The following ZNF609 variants were observed in gnomAD, a reference collection of about 807,000 sequenced individuals.
ZNF609 encodes zinc finger protein 609.
Under a neutral mutation model 109.5 loss-of-function variants are expected in ZNF609, and 11 were observed. That is an observed-to-expected ratio of 0.10 (90% CI 0.06 to 0.17). The LOEUF (loss-of-function observed/expected upper bound fraction) is 0.17, where lower values mean the gene tolerates loss of function less well. ZNF609 is among the 10% of genes least tolerant of loss of function. The pLI, the probability that ZNF609 is intolerant of heterozygous loss-of-function variation, is 1.00. For synonymous variants in ZNF609, 646 were observed against 662.0 expected, an observed-to-expected ratio of 0.98 and a Z score of 0.37; for missense variants, 1,559 against 1,772.4, an observed-to-expected ratio of 0.88 and a Z score of 2.16.
chr15:64,587,165 A>G (rs181255209), intron 2 of ZNF609, among the ~76,000 whole-genome samples: 129 of 152,330 alleles, frequency 8.5e-4, no homozygotes, highest in Non-Finnish European at 1.5e-3. Flanking sequence ...ATCTGTTTAG[A>G]GTATCTGAAG....
intron 3 of ZNF609, among the ~76,000 whole-genome samples, chr15:64,650,721 G>A (rs1291919237): frequency 6.6e-6 from 1 of 152,130 alleles, no homozygotes; most frequent in African/African-American, 2.4e-5. Context: ...TGGGGAGTTG[G>A]GGGTAGCTAG....
At chr15:64,669,447 GGAA>G (rs1365640485) in intron 3 of ZNF609, among the ~76,000 whole-genome samples, 2 of 152,164 alleles carry the variant, frequency 1.3e-5, no homozygotes, top group Non-Finnish European at 2.9e-5. Context: ...TATCATTTAA[GGAA>G]GAATATATGA....
intron 5 of ZNF609, among the ~76,000 whole-genome samples, chr15:64,677,796 G>C (rs1328591255): frequency 6.6e-6 from 1 of 152,168 alleles, no homozygotes; most frequent in Non-Finnish European, 1.5e-5. Context: ...ATTGGAAGGG[G>C]CAGCCTCTCC....
In ZNF609 at chr15:64,684,658, GTC is replaced by G. The variant is rs2083230721; in HGVS notation, c.*2976_*2977del. ...ATGAAATGAAATGGTGATTTCTTGA[GTC>G]TCTTTTTTCCACGTTTAAGGGGCCA... On this transcript the variant is annotated 3_prime_UTR_variant, in exon 10 of 10. Transcript: ENST00000326648. 1.3e-5 allele frequency: 2 copies of G among 152,772 alleles called. No homozygotes were observed. Among genetic ancestry groups the G allele is most frequent in the South Asian group, 4.1e-4 (2 of 4,834 alleles). 9.5% of individuals were successfully genotyped at this position (152,772 alleles called of 1,614,324 possible).
At position 64,561,882 on chromosome 15, in the gene ZNF609, A is replaced by G. The variant is rs544178316; in HGVS notation, c.748-60945A>G. On this transcript the variant is annotated intron_variant, in intron 2 of 9. Transcript: ENST00000326648. ...TTGTGAGTATGGAAGTCATTCAATT[A>G]TTTTTCAAAGCGGGCTTAGTACATG... Among the ~76,000 whole-genome samples, 61 of 152,192 alleles carry G rather than the reference A, an allele frequency of 4.0e-4. 2 individuals are homozygous for G. In the South Asian group the frequency reaches 0.012, roughly 30 times the overall value.
chr15:64,498,044 A>C (rs1893509098), intron 1 of ZNF609, among the ~76,000 whole-genome samples: 1 of 152,066 alleles, frequency 6.6e-6, no homozygotes. Flanking sequence ...ACACTCCTCA[A>C]GTCTTGTTAG....
At chr15:64,599,605 T>C (rs1012347646) in intron 2 of ZNF609, among the ~76,000 whole-genome samples, 5 of 152,206 alleles carry the variant, frequency 3.3e-5, no homozygotes, top group Non-Finnish European at 7.3e-5. Context: ...TTCTTACTTA[T>C]GTTTTTATTC....
chr15:64,613,809 A>G (rs1895754464), intron 2 of ZNF609, among the ~76,000 whole-genome samples: 1 of 152,024 alleles, frequency 6.6e-6, no homozygotes, highest in African/African-American at 2.4e-5. Context: ...TGGCCTCCCA[A>G]AGTGCTGGGA....
intron 3 of ZNF609, among the ~76,000 whole-genome samples, chr15:64,649,032 G>T (rs1896376373): frequency 6.6e-6 from 1 of 152,032 alleles, no homozygotes; most frequent in African/African-American, 2.4e-5. Context: ...ATACATAAGA[G>T]AAAGAATTTG....
chr15:64,564,200 T>C (rs550034819), intron 2 of ZNF609, among the ~76,000 whole-genome samples: 25 of 151,708 alleles, frequency 1.6e-4, no homozygotes, highest in African/African-American at 6.0e-4. Context: ...CGTAGCTGTG[T>C]TGGTTATCAG....
Position 64,674,440 on chromosome 15 carries a change from C to G in ZNF609, c.1586C>G (p.Ala529Gly). The change falls in exon 5 of 10, where the codon GCG (alanine) becomes GGG (glycine). Residue 529 changes from alanine (A) to glycine (G), a missense_variant. Physicochemically the swap from Ala to Gly is moderately conservative, Grantham distance 60. Transcript: ENST00000326648. Reference sequence around the variant, plus strand: ...ACAGATGATGACAGCAAGCCGGAAGCGGATGGGGACAGTGAGTACGGAGAG... The same window carrying G: ...ACAGATGATGACAGCAAGCCGGAAGGGGATGGGGACAGTGAGTACGGAGAG... ...AHTDDDSKPE[A>G]DGDSEYGEEP... 1.2e-6 allele frequency: 2 copies of G among 1,614,186 alleles called. No homozygotes were observed. The highest frequency in any genetic ancestry group is 1.7e-6 in the Non-Finnish European group (2 of 1,180,052).
chr15:64,493,521 C>T (rs559433074), intron 1 of ZNF609, among the ~76,000 whole-genome samples: 3 of 152,092 alleles, frequency 2.0e-5, no homozygotes, highest in African/African-American at 7.2e-5. Context: ...ATTGTCATGA[C>T]CTATCTTGGT....
At chr15:64,613,765 T>G (rs1037023671) in intron 2 of ZNF609, among the ~76,000 whole-genome samples, 4 of 152,090 alleles carry the variant, frequency 2.6e-5, no homozygotes. Flanking sequence ...TTGGCCAGGC[T>G]GGTCTAACTC....
chr15:64,681,569 AAC>A (rs1295137243), intron 9 of ZNF609, 121 bp from the exon 10 acceptor site: 3 of 586,984 alleles, frequency 5.1e-6, no homozygotes, highest in Middle Eastern at 4.3e-4. Flanking sequence ...GGACCTGTGG[AAC>A]ACAGTGTCCC....
At chr15:64,630,095 T>TTC (rs1423025193) in intron 3 of ZNF609, among the ~76,000 whole-genome samples, 52 of 150,404 alleles carry the variant, frequency 3.5e-4, no homozygotes, top group African/African-American at 1.2e-3. Context: ...AATTTTCTTT[T>TTC]TTCTTTTTTT....
intron 1 of ZNF609, among the ~76,000 whole-genome samples, chr15:64,477,143 T>C (rs560463511): frequency 4.1e-5 from 6 of 146,300 alleles, no homozygotes; most frequent in Admixed American, 6.8e-5. Context: ...TTTCTTTTTT[T>C]TTTTTTTTTT....
In ZNF609 at chr15:64,667,894, A is replaced by G. The variant is rs148562335; in HGVS notation, c.974-2452A>G. On this transcript the variant is annotated intron_variant, in intron 3 of 9. Transcript: ENST00000326648. ...TGTGAGGCCAGGAGAGTGAGATGCT[A>G]ACCCCCAACCAGCCTTATGAAAGGA... Among the ~76,000 whole-genome samples the G allele has an allele frequency of 1.1e-3, 172 of 152,276 alleles. 1 individual carries two copies. Among genetic ancestry groups the G allele is most frequent in the South Asian group, 1.9e-3 (9 of 4,820 alleles).
Position 64,673,980 on chromosome 15 carries a change from C to T in ZNF609, c.1126C>T (p.Arg376Cys), listed in dbSNP as rs1896771679. The T allele has an allele frequency of 1.2e-6, 2 of 1,614,176 alleles. No individual in the cohort carries two copies. Among genetic ancestry groups the T allele is most frequent in the Non-Finnish European group, 1.7e-6 (2 of 1,180,038 alleles). ...TGGCCGGGGTAGAGGCAAACGCATG[C>T]GTCCCAACAGTAATACACCTGTCAA... ...RNGRGRGKRMRPNSNTPVNET... is the reference protein window; with the variant it reads ...RNGRGRGKRMCPNSNTPVNET... The change falls in exon 5 of 10, where the codon CGT (arginine) becomes TGT (cysteine). Residue 376 changes from arginine (R) to cysteine (C), a missense_variant. Physicochemically the swap from Arg to Cys is radical, Grantham distance 180. Transcript: ENST00000326648.
At position 64,478,545 on chromosome 15, in the gene ZNF609, A is replaced by G. The variant is rs139413700; in HGVS notation, c.-128+17707A>G. 8.8e-3 allele frequency among the ~76,000 whole-genome samples: 1,333 copies of G among 151,640 alleles called. 24 individuals carry two copies. The highest frequency in any genetic ancestry group is 0.031 in the African/African-American group (1,271 of 41,292). ...GCCACCAAGCCCGGCTAATTTTTGTATTTTTAGTTTTTAGTAGAGACAGGG... is the reference window on the plus strand; with the variant it reads ...GCCACCAAGCCCGGCTAATTTTTGTGTTTTTAGTTTTTAGTAGAGACAGGG... On this transcript the variant is annotated intron_variant, in intron 1 of 9. Transcript: ENST00000326648.
Sources: gnomAD v4.1 joint callset for allele counts (sites outside exome capture counted in the v4.1 genomes callset) on GRCh38, gnomAD v4.1.1 for gene constraint, MANE v1.5 for transcripts, NCBI Gene and HGNC (gene_info 2026-07-23, HGNC 2026-07-21) for gene names.